The following ADGRE1 variants were observed in gnomAD, a reference collection of about 807,000 sequenced individuals.
ADGRE1 encodes the protein EGF-like module receptor 1.
A neutral mutation model predicts 102.7 loss-of-function variants in ADGRE1; 82 were observed. The observed-to-expected ratio is 0.80, with a 90% CI of 0.67 to 0.96. The LOEUF (loss-of-function observed/expected upper bound fraction) is 0.96, where lower values mean the gene tolerates loss of function less well. Among genes scored for constraint, ADGRE1 ranks in the 40% least tolerant of loss-of-function variants. The pLI, the probability that ADGRE1 is intolerant of heterozygous loss-of-function variation, is 0.00. For synonymous variants in ADGRE1, 398 were observed against 399.6 expected, an observed-to-expected ratio of 1.00 and a Z score of 0.05; for missense variants, 1,032 against 1,085.3, an observed-to-expected ratio of 0.95 and a Z score of 0.69.
chr19:6,890,445 G>A, intron 1 of ADGRE1, 36 bp from the exon 2 acceptor site: 2 of 347,644 alleles, frequency 5.8e-6, no homozygotes, highest in Non-Finnish European at 8.3e-6. Context: ...TTTTTTTTTT[G>A]GTGGTTCATG....
At chr19:6,935,397 C>T (rs252553) in intron 18 of ADGRE1, among the ~76,000 whole-genome samples, 110,341 of 152,050 alleles carry the variant, frequency 0.73, 40,516 homozygotes, top group Non-Finnish European at 0.79. Context: ...GTTTCATATA[C>T]TACAACTCTT....
intron 3 of ADGRE1, 84 bp downstream of exon 3, chr19:6,896,625 C>G: frequency 5.5e-6 from 8 of 1,465,946 alleles, no homozygotes; most frequent in Non-Finnish European, 7.4e-6. Context: ...TAGGTACTCC[C>G]CCACCCCCCA....
At chr19:6,897,055 G>A (rs1973580222) in intron 3 of ADGRE1, 94 bp from the exon 4 acceptor site, 1 of 1,273,092 alleles carries the variant, frequency 7.9e-7, no homozygotes, top group East Asian at 2.5e-5. Context: ...ATATGGGATG[G>A]GAGATATTGT....
chr19:6,890,401 T>A, intron 1 of ADGRE1, 80 bp from the exon 2 acceptor site: 3 of 1,379,776 alleles, frequency 2.2e-6, no homozygotes, highest in Non-Finnish European at 2.9e-6. Context: ...AGGAGTAATT[T>A]TGCAGGTTGA....
At chr19:6,890,187 A>T (rs1257317814) in intron 1 of ADGRE1, among the ~76,000 whole-genome samples, 1 of 152,144 alleles carries the variant, frequency 6.6e-6, no homozygotes, top group Non-Finnish European at 1.5e-5. Flanking sequence ...AAGGGCTGGG[A>T]TTATAGGTGT....
Position 6,904,354 on chromosome 19 carries a change from T to TATTAATCA in ADGRE1, c.949+178_949+179insCAATTAAT, listed in dbSNP as rs1555713298. 8.2e-4 allele frequency among the ~76,000 whole-genome samples: 124 copies of TATTAATCA among 151,258 alleles called. 5 individuals carry two copies. ...TTCAACAAATGATTTTTGGAGTACC[T>TATTAATCA]ATTAATTAATTAGTTAAACAGGACC... On this transcript the variant is annotated intron_variant, in intron 8 of 20. Coordinates refer to ENST00000312053, the MANE Select transcript of ADGRE1 (RefSeq NM_001974.5).
intron 14 of ADGRE1, 95 bp downstream of exon 14, chr19:6,921,978 G>C (rs1974687471): frequency 7.0e-7 from 1 of 1,433,252 alleles, no homozygotes; most frequent in Non-Finnish European, 9.4e-7. Context: ...TCTCCCATGG[G>C]GTTGGGTGTT....
rs796714553 is a variant in ADGRE1 at position 6,898,612 on chromosome 19, G to A, written c.514+1065G>A. The A allele has an allele frequency of 5.3e-5, 77 of 1,450,490 alleles. 1 individual carries two copies. The highest frequency in any genetic ancestry group is 3.7e-4 in the African/African-American group (26 of 70,834). The allele number at this position is 1,450,490 out of a possible 1,614,324, so 89.9% of individuals were successfully genotyped here. A position where few individuals can be genotyped will look rare whatever the true frequency, so the allele number is the denominator to read the frequency against. ...TATCAGTGAGTCCCTCACCAGCAGC[G>A]TCTGCCCTGAGCATTCTGACTGTGT... On this transcript the variant is annotated intron_variant, in intron 5 of 20. Coordinates refer to ENST00000312053, the MANE Select transcript of ADGRE1 (RefSeq NM_001974.5).
At chr19:6,911,183 C>T (rs559859890) in intron 10 of ADGRE1, among the ~76,000 whole-genome samples, 2 of 152,166 alleles carry the variant, frequency 1.3e-5, no homozygotes, top group South Asian at 4.2e-4. Flanking sequence ...TCAGGGCTTC[C>T]TGTTTCTCTT....
At position 6,921,818 on chromosome 19, in the gene ADGRE1, T is replaced by C. The variant is rs1974678108; in HGVS notation, c.1726T>C (p.Tyr576His). The C allele has an allele frequency of 6.2e-7, 1 of 1,614,128 alleles. No homozygotes were observed. ...TGTGATCCTGGAAGCTTCTGAGACA[T>C]ATACCATCTGCAGCTGTAATCAGAT... ...GCVILEASET[Y>H]TICSCNQMAN... The change falls in exon 14 of 21, where the codon TAT becomes CAT. Residue 576 changes from tyrosine (Y) to histidine (H), a missense_variant. By Grantham distance (83) the Tyr-to-His change is moderately conservative (BLOSUM62 2). Transcript: ENST00000312053.
rs972254226 is a variant in ADGRE1, at chr19:6,924,689, C to A, written c.1803C>A (p.Ser601=). ...MASGELTMDF[S]LYIISHVGII... ...TTCCTTCCTGACAGATGGACTTTTC[C>A]TTGTACATCATTAGCCATGTAGGCA... The change falls in exon 15 of 21, where the codon TCC becomes TCA. Residue 601 remains serine (S), a synonymous_variant. Coordinates refer to ENST00000312053, the MANE Select transcript of ADGRE1 (RefSeq NM_001974.5). The A allele has an allele frequency of 5.0e-6, 8 of 1,613,770 alleles. No homozygotes were observed. The highest frequency in any genetic ancestry group is 4.0e-5 in the African/African-American group (3 of 74,930).
At chr19:6,896,309 A>G in intron 2 of ADGRE1, 89 bp from the exon 3 acceptor site, 3 of 1,334,488 alleles carry the variant, frequency 2.2e-6, no homozygotes, top group Non-Finnish European at 2.1e-6. Flanking sequence ...AACCCATAAC[A>G]GTCACCTCCA....
chr19:6,916,853 G>A (rs1476462705), intron 12 of ADGRE1, among the ~76,000 whole-genome samples: 1 of 151,284 alleles, frequency 6.6e-6, no homozygotes, highest in African/African-American at 2.4e-5. Flanking sequence ...ATGTTGAAAT[G>A]ATAATATTTG....
chr19:6,890,174 C>T (rs1472071889), intron 1 of ADGRE1, among the ~76,000 whole-genome samples: 4 of 152,128 alleles, frequency 2.6e-5, no homozygotes, highest in Non-Finnish European at 2.9e-5. Context: ...CCTTGGCCTC[C>T]CGAAGGGCTG....
intron 15 of ADGRE1, 76 bp from the exon 16 acceptor site, chr19:6,926,290 A>G: frequency 4.7e-6 from 7 of 1,490,124 alleles, no homozygotes; most frequent in Non-Finnish European, 6.4e-6. Context: ...CCAGCCGAGG[A>G]GTCTCTCTCT....
intron 17 of ADGRE1, among the ~76,000 whole-genome samples, chr19:6,934,189 G>A (rs943131401): frequency 4.6e-5 from 7 of 152,084 alleles, no homozygotes; most frequent in Non-Finnish European, 7.4e-5. Flanking sequence ...GCTGTTGCAC[G>A]GATGGGCAAG....
intron 18 of ADGRE1, among the ~76,000 whole-genome samples, chr19:6,935,289 C>T (rs1378243649): frequency 6.6e-6 from 1 of 152,054 alleles, no homozygotes; most frequent in African/African-American, 2.4e-5. Flanking sequence ...CGTAACCTCT[C>T]AGAAGCCCAT....
Position 6,926,432 on chromosome 19 carries a change from G to C in ADGRE1, c.2053G>C (p.Val685Leu), listed in dbSNP as rs1461168204. The stretch of plus-strand genomic sequence containing the variant: ...CCTTGCCTGCTTCTTCTGGATGCTG[G>C]TGGAGGCTGTGATACTGTTCTTGAT... ...LFLACFFWML[V>L]EAVILFLMVR... Residue 685 changes from valine (V) to leucine (L), a missense_variant, in exon 16 of 21, where the codon GTG (valine) becomes CTG (leucine). Val to Leu is a conservative substitution (Grantham distance 32). Coordinates refer to ENST00000312053, the MANE Select transcript of ADGRE1 (RefSeq NM_001974.5). 1.2e-6 allele frequency: 2 copies of C among 1,614,120 alleles called. No homozygotes were observed. The highest frequency in any genetic ancestry group is 8.5e-7 in the Non-Finnish European group (1 of 1,180,056).
rs186723314 is a variant in ADGRE1 at position 6,902,775 on chromosome 19, C to T, written c.661+754C>T. Among the ~76,000 whole-genome samples the T allele has an allele frequency of 3.5e-3, 510 of 145,546 alleles. 2 individuals carry two copies. Among genetic ancestry groups the T allele is most frequent in the African/African-American group, 0.013 (492 of 39,214 alleles). On this transcript the variant is annotated intron_variant, in intron 6 of 20. Coordinates refer to ENST00000312053, the MANE Select transcript of ADGRE1 (RefSeq NM_001974.5). ...TTTTTGAGACGGAGTCTTGGTCTGT[C>T]GCCCAGGCTGGAGTGCAGTGGCTTG...
Sources: allele counts gnomAD v4.1 joint callset (sites outside exome capture counted in the v4.1 genomes callset), GRCh38; gene constraint gnomAD v4.1.1; transcripts MANE v1.5; gene names NCBI Gene and HGNC (gene_info 2026-07-23, HGNC 2026-07-21).